DRC11L: variants seen among roughly 807,000 people sequenced by gnomAD.
The protein encoded by DRC11L is dynein regulatory complex subunit like-11.
the DRC11L span, among the ~76,000 whole-genome samples, chr7:151,204,343 G>A: frequency 2.0e-5 from 3 of 152,174 alleles, no homozygotes; most frequent in Middle Eastern, 3.2e-3. Flanking sequence ...AGGGATATCC[G>A]TGGGGTGGCG....
the DRC11L span, chr7:151,197,728 A>G: frequency 2.6e-6 from 1 of 389,538 alleles, no homozygotes. Context: ...GCCTCCATTG[A>G]GGCTGACCCC....
the DRC11L span, chr7:151,191,081 A>G: frequency 2.5e-6 from 1 of 399,206 alleles, no homozygotes; most frequent in Non-Finnish European, 4.4e-6. Flanking sequence ...GTCTTGAAGT[A>G]CCAGTCCTGG....
the DRC11L span, chr7:151,194,554 A>G: frequency 0.077 from 30,587 of 399,388 alleles, 1,827 homozygotes; most frequent in East Asian, 0.27. Flanking sequence ...ACTCTTCCTT[A>G]GAAGGCCAGA....
At chr7:151,205,133 C>A in the DRC11L span, among the ~76,000 whole-genome samples, 2 of 151,952 alleles carry the variant, frequency 1.3e-5, no homozygotes, top group Non-Finnish European at 2.9e-5. Flanking sequence ...AGGAAGGGGT[C>A]TTTGGGAGTC....
the DRC11L span, among the ~76,000 whole-genome samples, chr7:151,202,326 G>T: frequency 6.6e-6 from 1 of 152,178 alleles, no homozygotes; most frequent in African/African-American, 2.4e-5. Flanking sequence ...TCCAGCCTCA[G>T]CAGGATACAT....
the DRC11L span, chr7:151,203,192 GACACCATCCTCCCA>G: frequency 7.5e-6 from 3 of 398,486 alleles, no homozygotes; most frequent in Non-Finnish European, 1.3e-5. Context: ...GATGCACCAG[GACACCATCCTCCCA>G]GAGTATCTGG....
chr7:151,192,893 T>C, the DRC11L span: 1 of 398,706 alleles, frequency 2.5e-6, no homozygotes, highest in Non-Finnish European at 4.4e-6. Flanking sequence ...ATGTCCCTGC[T>C]GGTCAGAAGG....
chr7:151,194,593 A>T, the DRC11L span: 1 of 399,578 alleles, frequency 2.5e-6, no homozygotes, highest in Non-Finnish European at 4.4e-6. Context: ...CAGAGACTCC[A>T]CAGACCTGGC....
chr7:151,199,175 C>T, the DRC11L span, among the ~76,000 whole-genome samples: 1 of 152,152 alleles, frequency 6.6e-6, no homozygotes, highest in African/African-American at 2.4e-5. This position sits in a 1 kb window ranked among gnomAD's most constrained non-coding sequence, Gnocchi z 5.2. Context: ...ATGCCTGCAT[C>T]GGGAGAAACT....
At chr7:151,199,320 C>T in the DRC11L span, among the ~76,000 whole-genome samples, 3 of 151,976 alleles carry the variant, frequency 2.0e-5, no homozygotes, top group South Asian at 2.1e-4. This position sits in a 1 kb window ranked among gnomAD's most constrained non-coding sequence, Gnocchi z 5.2. Flanking sequence ...CCTGCACCCC[C>T]GCCCCGCGGC....
chr7:151,198,382 A>G, the DRC11L span, among the ~76,000 whole-genome samples: 2 of 152,074 alleles, frequency 1.3e-5, no homozygotes, highest in Admixed American at 1.3e-4. Context: ...GGGTGAGTGG[A>G]TGGATGGATA....
chr7:151,195,501 T>G, the DRC11L span: 3 of 399,466 alleles, frequency 7.5e-6, no homozygotes, highest in Admixed American at 4.4e-5. Context: ...TGGAAACGAG[T>G]GCGTAGGTCA....
At chr7:151,204,905 C>G in the DRC11L span, 4 of 398,992 alleles carry the variant, frequency 1.0e-5, no homozygotes, top group Non-Finnish European at 1.8e-5. Flanking sequence ...GCAGCCTGGC[C>G]TTTTGAGGAG....
the DRC11L span, among the ~76,000 whole-genome samples, chr7:151,191,387 C>T: frequency 1.3e-5 from 2 of 152,146 alleles, no homozygotes; most frequent in African/African-American, 2.4e-5. Flanking sequence ...GCTACCAGAA[C>T]CCACAAAGGG....
At chr7:151,192,389 C>T in the DRC11L span, 14 of 399,324 alleles carry the variant, frequency 3.5e-5, 1 homozygote, top group African/African-American at 1.4e-4. Flanking sequence ...CAGCATCACA[C>T]GGTCTCCGGG....
At chr7:151,194,662 G>C in the DRC11L span, 1 of 398,936 alleles carries the variant, frequency 2.5e-6, no homozygotes, top group Non-Finnish European at 4.4e-6. Context: ...TGAGAACACA[G>C]GGAAATGGAG....
At chr7:151,193,304 T>C in the DRC11L span, 2 of 399,548 alleles carry the variant, frequency 5.0e-6, no homozygotes, top group Non-Finnish European at 8.8e-6. Flanking sequence ...AAAGACTATA[T>C]GCACCATCAT....
chr7:151,197,515 G>C, the DRC11L span, among the ~76,000 whole-genome samples: 53 of 152,242 alleles, frequency 3.5e-4, no homozygotes, highest in African/African-American at 1.2e-3. Flanking sequence ...GACTCCTTTG[G>C]GGTCCAAGGA....
At chr7:151,197,935 A>C in the DRC11L span, 1 of 398,462 alleles carries the variant, frequency 2.5e-6, no homozygotes. Flanking sequence ...ATTGGACAGA[A>C]AGATGAATAG....
Sources: gnomAD v4.1 joint callset for allele counts (sites outside exome capture counted in the v4.1 genomes callset) on GRCh38, gnomAD v4.1.1 for gene constraint, Gnocchi (gnomAD v3.1) non-coding constraint, MANE v1.5 for transcripts, NCBI Gene and HGNC (gene_info 2026-07-23, HGNC 2026-07-21) for gene names.